The following C1orf87 variants were observed in gnomAD, a reference collection of about 807,000 sequenced individuals.
C1orf87 encodes uncharacterized protein C1orf87.
C1orf87 carries 58 observed loss-of-function variants against 60.5 expected under a neutral mutation model. That is an observed-to-expected ratio of 0.96 (90% CI 0.78 to 1.19). C1orf87 has a LOEUF of 1.19. C1orf87 is among the 50% of genes most tolerant of loss of function. C1orf87 has a pLI of 0.00. For synonymous variants in C1orf87, 236 were observed against 227.4 expected, an observed-to-expected ratio of 1.04 and a Z score of -0.34; for missense variants, 673 against 638.6, an observed-to-expected ratio of 1.05 and a Z score of -0.58.
At chr1:59,998,563 C>T (rs906737529) in intron 10 of C1orf87, among the ~76,000 whole-genome samples, 1 of 152,160 alleles carries the variant, frequency 6.6e-6, no homozygotes, top group Middle Eastern at 3.2e-3. Context: ...GCCCAGCCCA[C>T]CTTTTGCAGA....
At chr1:60,038,151 T>A in intron 5 of C1orf87, 44 bp from the exon 6 acceptor site, 1 of 1,298,928 alleles carries the variant, frequency 7.7e-7, no homozygotes, top group Non-Finnish European at 1.1e-6. Context: ...TTAATTTATA[T>A]GTAAGGAAAG....
intron 3 of C1orf87, among the ~76,000 whole-genome samples, chr1:60,042,476 A>G (rs1240626193): frequency 6.6e-6 from 1 of 152,212 alleles, no homozygotes; most frequent in Admixed American, 6.5e-5. Context: ...ATAGCAACCT[A>G]CAGATGTTTT....
At chr1:60,072,158 A>G (rs1262982526) in intron 2 of C1orf87, among the ~76,000 whole-genome samples, 1 of 152,046 alleles carries the variant, frequency 6.6e-6, no homozygotes, top group African/African-American at 2.4e-5. Flanking sequence ...TATTAATCCT[A>G]CTCCTGTAAT....
chr1:60,042,532 G>A (rs1157397678), intron 3 of C1orf87, among the ~76,000 whole-genome samples: 6 of 152,226 alleles, frequency 3.9e-5, no homozygotes, highest in Admixed American at 6.5e-5. Flanking sequence ...TCTCTAGAGT[G>A]AGCAGAGTGG....
At chr1:60,060,327 G>A (rs1645486904) in intron 2 of C1orf87, among the ~76,000 whole-genome samples, 1 of 152,090 alleles carries the variant, frequency 6.6e-6, no homozygotes, top group Non-Finnish European at 1.5e-5. Flanking sequence ...CAGGTTCTCA[G>A]CTGTGAGATG....
At chr1:60,067,741 T>G (rs1645558156) in intron 2 of C1orf87, among the ~76,000 whole-genome samples, 1 of 152,096 alleles carries the variant, frequency 6.6e-6, no homozygotes, top group Non-Finnish European at 1.5e-5. Flanking sequence ...ATCCCATTTG[T>G]CAATTTTGGC....
intron 7 of C1orf87, 63 bp from the exon 8 acceptor site, chr1:60,025,561 G>T: frequency 8.0e-7 from 1 of 1,242,760 alleles, no homozygotes; most frequent in Non-Finnish European, 1.1e-6. Flanking sequence ...TGTTTCAATA[G>T]AATACAATTA....
intron 6 of C1orf87, among the ~76,000 whole-genome samples, chr1:60,036,409 T>C (rs1336821478): frequency 6.6e-6 from 1 of 152,174 alleles, no homozygotes; most frequent in Non-Finnish European, 1.5e-5. Context: ...TTAACTCTAA[T>C]GCCATAGCTC....
chr1:60,023,497 G>T (rs368911702), intron 8 of C1orf87, among the ~76,000 whole-genome samples: 38 of 151,798 alleles, frequency 2.5e-4, no homozygotes, highest in African/African-American at 8.5e-4. Flanking sequence ...TTTTCTTTCA[G>T]GTATTGTATT....
intron 9 of C1orf87, among the ~76,000 whole-genome samples, chr1:60,009,597 T>C (rs1382085316): frequency 6.6e-6 from 1 of 151,916 alleles, no homozygotes; most frequent in Non-Finnish European, 1.5e-5. Context: ...TTTTTCCACT[T>C]GGATACAGAC....
chr1:60,063,511 A>G (rs536798778), intron 2 of C1orf87, among the ~76,000 whole-genome samples: 1 of 152,256 alleles, frequency 6.6e-6, no homozygotes, highest in East Asian at 1.9e-4. Flanking sequence ...ACATGGAACA[A>G]AATCCAAAGT....
intron 2 of C1orf87, among the ~76,000 whole-genome samples, chr1:60,057,170 G>A (rs1645463161): frequency 6.6e-6 from 1 of 152,194 alleles, no homozygotes; most frequent in Non-Finnish European, 1.5e-5. Flanking sequence ...AGAAAAGCAA[G>A]AGGATGTCTC....
At chr1:60,014,715 C>T (rs2100262631) in intron 8 of C1orf87, among the ~76,000 whole-genome samples, 1 of 152,214 alleles carries the variant, frequency 6.6e-6, no homozygotes, top group African/African-American at 2.4e-5. Context: ...CCTTTCTTTG[C>T]CTCCTGAAAT....
intron 9 of C1orf87, among the ~76,000 whole-genome samples, chr1:60,003,270 A>G (rs552259677): frequency 1.8e-3 from 242 of 135,088 alleles, no homozygotes; most frequent in Non-Finnish European, 2.6e-3. Context: ...GAATTGAACA[A>G]TGAGATCACA....
intron 3 of C1orf87, among the ~76,000 whole-genome samples, chr1:60,049,459 C>A (rs1399417874): frequency 2.0e-5 from 3 of 152,004 alleles, no homozygotes; most frequent in Non-Finnish European, 4.4e-5. Flanking sequence ...AACCCTTTTT[C>A]TTCTCTATTT....
At chr1:60,004,487 T>A (rs1055938249) in intron 9 of C1orf87, among the ~76,000 whole-genome samples, 1 of 152,026 alleles carries the variant, frequency 6.6e-6, no homozygotes, top group East Asian at 1.9e-4. Context: ...AAATAAGATC[T>A]AGAACATAAA....
intron 8 of C1orf87, among the ~76,000 whole-genome samples, chr1:60,023,343 G>T (rs1362499599): frequency 1.3e-5 from 2 of 151,928 alleles, no homozygotes; most frequent in Non-Finnish European, 2.9e-5. Flanking sequence ...TAGGCTGCTG[G>T]TGTCACAAGG....
intron 9 of C1orf87, among the ~76,000 whole-genome samples, chr1:60,009,750 G>A (rs1342408231): frequency 1.3e-5 from 2 of 151,908 alleles, no homozygotes; most frequent in African/African-American, 2.4e-5. Context: ...TAATATCAAT[G>A]CATATTTTTT....
chr1:60,011,863 C>T (rs1271844816), intron 8 of C1orf87, among the ~76,000 whole-genome samples: 1 of 151,990 alleles, frequency 6.6e-6, no homozygotes, highest in East Asian at 1.9e-4. Flanking sequence ...GGGCTTTGAA[C>T]ATGTGACCTC....
Sources: gnomAD v4.1 joint callset for allele counts (sites outside exome capture counted in the v4.1 genomes callset) on GRCh38, gnomAD v4.1.1 for gene constraint, MANE v1.5 for transcripts, NCBI Gene and HGNC (gene_info 2026-07-23, HGNC 2026-07-21) for gene names.